KAT6B: variants seen among roughly 807,000 people sequenced by gnomAD.
The protein encoded by KAT6B is histone acetyltransferase KAT6B.
In KAT6B, 10 loss-of-function variants were observed where a neutral mutation model predicts 187.5. The ratio of observed to expected loss-of-function variants is 0.05; its 90% confidence interval spans 0.03 to 0.09. The LOEUF (loss-of-function observed/expected upper bound fraction) is 0.09, where lower values mean the gene tolerates loss of function less well. KAT6B is among the 10% of genes least tolerant of loss of function. The probability of loss-of-function intolerance (pLI) is 1.00; values close to 1 mark genes in which losing one functional copy is unlikely to be tolerated. For missense variants in KAT6B, 1,952 were observed against 2,558.9 expected (o/e 0.76, Z 5.12); for synonymous variants, 861 against 926.8 (o/e 0.93, Z 1.29).
intron 13 of KAT6B, among the ~76,000 whole-genome samples, chr10:75,009,712 G>A (rs1844460983): frequency 6.6e-6 from 1 of 152,110 alleles, no homozygotes; most frequent in African/African-American, 2.4e-5. Flanking sequence ...TAAGATTAAA[G>A]GCTAAGTCCC....
intron 13 of KAT6B, among the ~76,000 whole-genome samples, chr10:74,998,661 C>T (rs1017649865): frequency 2.0e-5 from 3 of 152,204 alleles, no homozygotes; most frequent in Non-Finnish European, 4.4e-5. Flanking sequence ...TGCAGTGGCT[C>T]ATGCCTGTAA....
rs1276052196 is a variant in KAT6B, at chr10:75,016,609, C to T, written c.2630-3973C>T. Reference sequence around the variant, plus strand: ...GTGCTGTTGGCCAGCACCTCTGGCTCACAGACAAGTTCCAGGGAATAATTT... The same window carrying T: ...GTGCTGTTGGCCAGCACCTCTGGCTTACAGACAAGTTCCAGGGAATAATTT... On this transcript the variant is annotated intron_variant, in intron 13 of 17. Coordinates refer to ENST00000287239, the MANE Select transcript of KAT6B (RefSeq NM_012330.4). 3.3e-5 allele frequency among the ~76,000 whole-genome samples: 5 copies of T among 152,192 alleles called. No homozygotes were observed. In the East Asian group the frequency reaches 9.6e-4, roughly 29 times the overall value.
rs560002279 is a variant in KAT6B at position 74,904,810 on chromosome 10, T to TC, written c.622-55154dup. 5.0e-4 allele frequency among the ~76,000 whole-genome samples: 76 copies of TC among 152,246 alleles called. 2 individuals are homozygous for TC. In the South Asian group the frequency reaches 0.015, roughly 30 times the overall value. ...AATCACACCTTTATTTCTGTGATCCTCCCCCCTTTAGTAACTGGGGAATGG... is the reference window on the plus strand; with the variant it reads ...AATCACACCTTTATTTCTGTGATCCTCCCCCCCTTTAGTAACTGGGGAATGG... On this transcript the variant is annotated intron_variant, in intron 3 of 17. Transcript: ENST00000287239.
Position 74,916,373 on chromosome 10 carries a change from T to C in KAT6B, c.622-43597T>C, listed in dbSNP as rs370733324. Among the ~76,000 whole-genome samples, 17 of 152,308 alleles carry C rather than the reference T, an allele frequency of 1.1e-4. No homozygotes were observed. The East Asian group carries it at 2.9e-3, about 26-fold the overall frequency. ...TCATCCCATATTTGTATTTTTACAA[T>C]CTCAACAGTTTTATCAGGGACATAT... On this transcript the variant is annotated intron_variant, in intron 3 of 17. Coordinates refer to ENST00000287239, the MANE Select transcript of KAT6B (RefSeq NM_012330.4).
In KAT6B at chr10:74,853,499, G is replaced by T. The variant is rs1842621582; in HGVS notation, c.621+10021G>T. On this transcript the variant is annotated intron_variant, in intron 3 of 17. Coordinates refer to ENST00000287239, the MANE Select transcript of KAT6B (RefSeq NM_012330.4). Reference sequence around the variant, plus strand: ...TGTAGAGATAGGGTTTCGCCACGTTGCCCAGGCTGGTCTTGAACGCCTGAG... The same window carrying T: ...TGTAGAGATAGGGTTTCGCCACGTTTCCCAGGCTGGTCTTGAACGCCTGAG... Among the ~76,000 whole-genome samples, 4 of 152,014 alleles carry T rather than the reference G, an allele frequency of 2.6e-5. No homozygotes were observed. In the South Asian group the frequency reaches 6.2e-4, roughly 24 times the overall value.
chr10:74,998,219 T>G (rs1348217131), intron 13 of KAT6B, among the ~76,000 whole-genome samples: 1 of 26 alleles, frequency 0.038, no homozygotes, highest in Non-Finnish European at 0.12. Context: ...CTCCCAAGTG[T>G]GGGATTCAGG....
At chr10:74,963,455 A>T (rs1025925691) in intron 4 of KAT6B, among the ~76,000 whole-genome samples, 4 of 152,204 alleles carry the variant, frequency 2.6e-5, no homozygotes, top group African/African-American at 9.7e-5. Flanking sequence ...GTGGAAGCTC[A>T]TTGAAACGGG....
rs1165863896 is a variant in KAT6B, at chr10:75,022,226, A to G, written c.3367A>G (p.Arg1123Gly). ...LTKPQSVAIK[R>G]KRPFVLKKKR... ...GAAACCACAGTCAGTTGCCATAAAG[A>G]GAAAGGTAGGTGTCTGTTTAGATTT... Residue 1123 changes from arginine (R) to glycine (G), a missense_variant, in exon 16 of 18, where the codon AGA becomes GGA. By Grantham distance (125) the Arg-to-Gly change is moderately radical. This residue lies in a region of KAT6B where 758 missense variants were observed against 891.4 expected (regional missense o/e 0.85). Coordinates refer to ENST00000287239, the MANE Select transcript of KAT6B (RefSeq NM_012330.4). 11 of 1,613,050 alleles carry G rather than the reference A, an allele frequency of 6.8e-6. No homozygotes were observed. The highest frequency in any genetic ancestry group is 9.3e-6 in the Non-Finnish European group (11 of 1,180,030).
intron 3 of KAT6B, among the ~76,000 whole-genome samples, chr10:74,913,382 AAAAT>A (rs1456983591): frequency 1.3e-5 from 2 of 152,242 alleles, no homozygotes; most frequent in African/African-American, 4.8e-5. Context: ...GAAATTAACA[AAAAT>A]AAGTAAGAAT....
At chr10:74,945,699 C>T (rs922429887) in intron 3 of KAT6B, among the ~76,000 whole-genome samples, 9 of 152,294 alleles carry the variant, frequency 5.9e-5, no homozygotes, top group Admixed American at 3.3e-4. Flanking sequence ...ATCCGCCCGC[C>T]TCAGCCTCCC....
At chr10:74,931,381 C>T (rs1848864141) in intron 3 of KAT6B, among the ~76,000 whole-genome samples, 1 of 152,200 alleles carries the variant, frequency 6.6e-6, no homozygotes, top group South Asian at 2.1e-4. Flanking sequence ...TGTCAGTCTC[C>T]GTGTTAAAAT....
At chr10:74,851,583 G>A (rs1244615096) in intron 3 of KAT6B, among the ~76,000 whole-genome samples, 7 of 151,956 alleles carry the variant, frequency 4.6e-5, no homozygotes, top group African/African-American at 1.5e-4. Flanking sequence ...CACCTGCCTC[G>A]GCCTCCCAAA....
intron 3 of KAT6B, among the ~76,000 whole-genome samples, chr10:74,946,465 C>T (rs941557208): frequency 1.3e-5 from 2 of 151,966 alleles, no homozygotes; most frequent in African/African-American, 4.8e-5. Context: ...AAAATTTTAG[C>T]CCTGAACTTA....
At chr10:74,869,661 C>T (rs747006410) in intron 3 of KAT6B, among the ~76,000 whole-genome samples, 32 of 152,166 alleles carry the variant, frequency 2.1e-4, no homozygotes, top group Admixed American at 1.2e-3. Context: ...TTTTATAATT[C>T]GAACAAAGGA....
upstream of KAT6B, among the ~76,000 whole-genome samples, chr10:74,825,187 T>A (rs1351941861): frequency 6.6e-6 from 1 of 152,122 alleles, no homozygotes; most frequent in African/African-American, 2.4e-5. The surrounding 1 kb of genome is among the most constrained non-coding windows in gnomAD (Gnocchi z 5.0). Context: ...GGACGAAGTT[T>A]GGGGCCCACA....
chr10:75,014,320 AAAAG>A lies in KAT6B; in HGVS notation c.2630-6255_2630-6252del, dbSNP rs747096935. ...GGAGACCCTGTCTTCTTGAAAAAGA[AAAAG>A]AAAGAACAAAATAAAGAGAGAAAGA... On this transcript the variant is annotated intron_variant, in intron 13 of 17. Coordinates refer to ENST00000287239, the MANE Select transcript of KAT6B (RefSeq NM_012330.4). Among the ~76,000 whole-genome samples, 75 of 152,330 alleles carry A rather than the reference AAAAG, an allele frequency of 4.9e-4. No individual in the cohort carries two copies. The Middle Eastern group carries it at 0.014, about 28-fold the overall frequency.
intron 13 of KAT6B, among the ~76,000 whole-genome samples, chr10:75,017,318 A>G (rs1226878201): frequency 6.6e-6 from 1 of 152,126 alleles, no homozygotes; most frequent in Admixed American, 6.5e-5. Context: ...GCTATATCAT[A>G]ATTATGTTGT....
intron 3 of KAT6B, among the ~76,000 whole-genome samples, chr10:74,955,520 C>A (rs1392147575): frequency 6.6e-6 from 1 of 151,638 alleles, no homozygotes; most frequent in Non-Finnish European, 1.5e-5. Context: ...CAACTGTTAA[C>A]ATTGTGTCAT....
At chr10:74,826,906 C>G (rs1840285990) in intron 1 of KAT6B, 121 bp downstream of exon 1, 1 of 148,438 alleles carries the variant, frequency 6.7e-6, no homozygotes. Context: ...AGGGTCACCG[C>G]GGGGCCGCTC....
Sources: gnomAD v4.1 joint callset for allele counts (sites outside exome capture counted in the v4.1 genomes callset) on GRCh38, gnomAD v4.1.1 for gene constraint, gnomAD v4.1.1 regional missense constraint, Gnocchi (gnomAD v3.1) non-coding constraint, MANE v1.5 for transcripts, NCBI Gene and HGNC (gene_info 2026-07-23, HGNC 2026-07-21) for gene names.